Variants in ABTB2 observed in about 807,000 individuals in gnomAD.
The protein encoded by ABTB2 is ankyrin repeat and BTB domain containing 2.
Under a neutral mutation model 104.1 loss-of-function variants are expected in ABTB2, and 56 were observed. The observed-to-expected ratio is 0.54, with a 90% confidence interval of 0.43 to 0.67. The LOEUF is 0.67. ABTB2 is among the 30% of genes least tolerant of loss of function. The probability of loss-of-function intolerance (pLI) is 0.00; values close to 1 mark genes in which losing one functional copy is unlikely to be tolerated. For missense variants in ABTB2, 1,279 were observed against 1,407.7 expected, an observed-to-expected ratio of 0.91 and a Z score of 1.46; for synonymous variants, 606 against 608.2, an observed-to-expected ratio of 1.00 and a Z score of 0.05.
chr11:34,194,500 T>G (rs1853222151), intron 3 of ABTB2, among the ~76,000 whole-genome samples: 1 of 152,030 alleles, frequency 6.6e-6, no homozygotes, highest in South Asian at 2.1e-4. Context: ...CAGCTACTAT[T>G]TGCATCAGGA....
intron 1 of ABTB2, 104 bp from the exon 2 acceptor site, chr11:34,204,794 C>T: frequency 2.3e-6 from 3 of 1,317,142 alleles, no homozygotes; most frequent in Non-Finnish European, 3.1e-6. Context: ...CTGCTCTTGA[C>T]AGAGAGAGGT....
chr11:34,211,922 A>AG (rs1406928611), intron 1 of ABTB2, among the ~76,000 whole-genome samples: 2,082 of 151,168 alleles, frequency 0.014, 28 homozygotes, highest in Middle Eastern at 0.024. Context: ...AAAAAAAAAA[A>AG]AAGGATAATC....
At chr11:34,168,363 T>C (rs564837624) in intron 5 of ABTB2, among the ~76,000 whole-genome samples, 1 of 152,250 alleles carries the variant, frequency 6.6e-6, no homozygotes, top group South Asian at 2.1e-4. Flanking sequence ...CCTCAAAGGG[T>C]TGTTGTAGAG....
At chr11:34,294,496 G>C (rs1002972323) in intron 1 of ABTB2, among the ~76,000 whole-genome samples, 1 of 147,732 alleles carries the variant, frequency 6.8e-6, no homozygotes, top group Admixed American at 6.7e-5. Context: ...TGCTGACTAC[G>C]GCCAATGCTT....
Position 34,165,255 on chromosome 11 carries a change from C to T in ABTB2, c.1852+5G>A. The T allele has an allele frequency of 3.9e-6, 6 of 1,545,988 alleles. No individual in the cohort carries two copies. The highest frequency in any genetic ancestry group is 4.4e-6 in the Non-Finnish European group (5 of 1,144,450). On this transcript the variant is annotated splice_donor_5th_base_variant and intron_variant, in intron 8 of 16. Transcript: ENST00000435224. ...AGACAGAGCCTCCGGGTAGCAGGTG[C>T]CTACCTGCCGCAGAGGCCAGCTGCA...
intron 2 of ABTB2, among the ~76,000 whole-genome samples, chr11:34,202,994 C>T (rs1421480310): frequency 6.6e-6 from 1 of 152,144 alleles, no homozygotes; most frequent in Non-Finnish European, 1.5e-5. Flanking sequence ...TGATGTCAAG[C>T]CCTTACCTAG....
chr11:34,227,573 A>G (rs1853704272), intron 1 of ABTB2, among the ~76,000 whole-genome samples: 1 of 152,234 alleles, frequency 6.6e-6, no homozygotes, highest in African/African-American at 2.4e-5. Context: ...TTGTTTATCT[A>G]TTCAATTATT....
chr11:34,351,662 C>G (rs1371088442), intron 1 of ABTB2, among the ~76,000 whole-genome samples: 2 of 152,146 alleles, frequency 1.3e-5, no homozygotes, highest in Non-Finnish European at 2.9e-5. Context: ...CGGGATCTAT[C>G]ATTTGCCCAT....
chr11:34,214,139 AACACACACAC>A (rs10529537), intron 1 of ABTB2, among the ~76,000 whole-genome samples: 10 of 139,270 alleles, frequency 7.2e-5, no homozygotes, highest in East Asian at 4.2e-4. Context: ...GCACATTCAA[AACACACACAC>A]ACACACACAC....
chr11:34,229,094 T>G (rs544157698), intron 1 of ABTB2, among the ~76,000 whole-genome samples: 76 of 121,900 alleles, frequency 6.2e-4, no homozygotes, highest in African/African-American at 2.2e-3. Flanking sequence ...CACTCCAGCC[T>G]GGGAGACAGA....
chr11:34,181,880 C>T (rs1435570091), intron 3 of ABTB2, among the ~76,000 whole-genome samples: 1 of 152,248 alleles, frequency 6.6e-6, no homozygotes. Context: ...AATTCTTCCA[C>T]TAACTTTGCC....
In ABTB2 at chr11:34,246,331, G is replaced by A. The variant is rs766477583; in HGVS notation, c.884-41641C>T. On this transcript the variant is annotated intron_variant, in intron 1 of 16. Coordinates refer to ENST00000435224, the MANE Select transcript of ABTB2 (RefSeq NM_145804.3). Reference sequence around the variant, plus strand: ...AATGACAAATCTTGGGCTGGGTGTGGTGGCTCACGCCTGTAATCCCAGCAC... The same window carrying A: ...AATGACAAATCTTGGGCTGGGTGTGATGGCTCACGCCTGTAATCCCAGCAC... Among the ~76,000 whole-genome samples, 6 of 152,216 alleles carry A rather than the reference G, an allele frequency of 3.9e-5. No homozygotes were observed. In the East Asian group the frequency reaches 9.7e-4, roughly 25 times the overall value.
At position 34,164,727 on chromosome 11, in the gene ABTB2, C is replaced by A; in HGVS notation, c.1947G>T (p.Glu649Asp). Reference sequence around the variant, plus strand: ...CTGAGTGGCTGAAGCAGTTCATGTCCTCGTGGAGGGAGGAGCCCATGCCGT... The same window carrying A: ...CTGAGTGGCTGAAGCAGTTCATGTCATCGTGGAGGGAGGAGCCCATGCCGT... ...EAHGMGSSLH[E>D]DMNCFSHSAA... The change falls in exon 9 of 17, where the codon GAG becomes GAT. Residue 649 changes from glutamate (E) to aspartate (D), a missense_variant. Glu to Asp is a conservative substitution (Grantham distance 45). Coordinates refer to ENST00000435224, the MANE Select transcript of ABTB2 (RefSeq NM_145804.3). The A allele has an allele frequency of 6.4e-7, 1 of 1,552,528 alleles. No homozygotes were observed.
chr11:34,330,839 C>G (rs1855120844), intron 1 of ABTB2, among the ~76,000 whole-genome samples: 1 of 152,204 alleles, frequency 6.6e-6, no homozygotes, highest in Admixed American at 6.5e-5. Flanking sequence ...GAACTGTTCC[C>G]AAGCTATGTG....
chr11:34,350,581 T>C (rs1367534080), intron 1 of ABTB2, among the ~76,000 whole-genome samples: 2 of 152,200 alleles, frequency 1.3e-5, no homozygotes, highest in African/African-American at 4.8e-5. Context: ...AAGCAGCATT[T>C]AAACAGAGTA....
chr11:34,262,788 A>G (rs1013703483), intron 1 of ABTB2, among the ~76,000 whole-genome samples: 4 of 152,186 alleles, frequency 2.6e-5, no homozygotes, highest in Admixed American at 6.5e-5. Context: ...GGTCAACACC[A>G]TCCTACTTCC....
chr11:34,301,578 A>G (rs576266198), intron 1 of ABTB2, among the ~76,000 whole-genome samples: 2 of 152,252 alleles, frequency 1.3e-5, no homozygotes, highest in Non-Finnish European at 2.9e-5. Flanking sequence ...TGTTCTCTGA[A>G]TAACACATTT....
intron 1 of ABTB2, among the ~76,000 whole-genome samples, chr11:34,219,849 T>C (rs1036244413): frequency 6.6e-6 from 1 of 152,214 alleles, no homozygotes; most frequent in Non-Finnish European, 1.5e-5. Context: ...ATCCCTGTCA[T>C]TAAGCAATGC....
chr11:34,354,227 G>A lies in ABTB2; in HGVS notation c.883+2474C>T, dbSNP rs146828375. On this transcript the variant is annotated intron_variant, in intron 1 of 16. Coordinates refer to ENST00000435224, the MANE Select transcript of ABTB2 (RefSeq NM_145804.3). ...GGAGACACTTTGACTCTGAGCATCC[G>A]GGGAGCTTTGTTGTCTGCCACAGAG... is the stretch of plus-strand genomic sequence containing the variant. Among the ~76,000 whole-genome samples the A allele has an allele frequency of 3.5e-3, 531 of 152,170 alleles. 4 individuals are homozygous for A. The highest frequency in any genetic ancestry group is 0.012 in the African/African-American group (518 of 41,512).
Sources: gnomAD v4.1 joint callset for allele counts (sites outside exome capture counted in the v4.1 genomes callset) on GRCh38, gnomAD v4.1.1 for gene constraint, MANE v1.5 for transcripts, NCBI Gene and HGNC (gene_info 2026-07-23, HGNC 2026-07-21) for gene names.